Variants in ACYP2 observed in about 807,000 individuals in gnomAD.
The protein encoded by ACYP2 is acylphosphatase-2.
In ACYP2, 12 loss-of-function variants were observed where a neutral mutation model predicts 11.2. That is an observed-to-expected ratio of 1.08 (90% confidence interval 0.69 to 1.74). The LOEUF (loss-of-function observed/expected upper bound fraction) is 1.74. Ranked by LOEUF, ACYP2 falls within the 40% of genes most tolerant of loss-of-function variation. The pLI is 0.00. For missense variants in ACYP2, 134 were observed against 101.9 expected, an observed-to-expected ratio of 1.31 and a Z score of -1.35; for synonymous variants, 43 against 32.2, an observed-to-expected ratio of 1.33 and a Z score of -1.13.
At chr2:54,210,232 CA>C (rs1685277582) in intron 6 of ACYP2, among the ~76,000 whole-genome samples, 6 of 150,228 alleles carry the variant, frequency 4.0e-5, no homozygotes, top group Non-Finnish European at 7.4e-5. Flanking sequence ...TAATGTATAT[CA>C]TAAAGCAGAG....
chr2:54,193,474 C>G (rs905527556), intron 6 of ACYP2, among the ~76,000 whole-genome samples: 2 of 152,110 alleles, frequency 1.3e-5, no homozygotes, highest in Non-Finnish European at 2.9e-5. Context: ...ACTCTACCCT[C>G]CATCTGAATC....
At chr2:54,229,725 C>T (rs1686152993) in intron 6 of ACYP2, among the ~76,000 whole-genome samples, 1 of 152,192 alleles carries the variant, frequency 6.6e-6, no homozygotes, top group African/African-American at 2.4e-5. Context: ...CTGTTTAAAG[C>T]TCATAGTTTC....
intron 4 of ACYP2, among the ~76,000 whole-genome samples, chr2:54,090,028 C>T (rs573778852): frequency 1.3e-5 from 2 of 151,876 alleles, no homozygotes; most frequent in African/African-American, 4.8e-5. Flanking sequence ...CACCTGTAAT[C>T]CCAGTACTCA....
At chr2:54,240,558 C>G (rs1686688097) in intron 6 of ACYP2, among the ~76,000 whole-genome samples, 2 of 152,174 alleles carry the variant, frequency 1.3e-5, no homozygotes, top group African/African-American at 4.8e-5. Flanking sequence ...TTCTCATTCT[C>G]CAACTTTTAG....
At chr2:54,218,265 A>G (rs1685640164) in intron 6 of ACYP2, among the ~76,000 whole-genome samples, 1 of 152,074 alleles carries the variant, frequency 6.6e-6, no homozygotes, top group Non-Finnish European at 1.5e-5. Context: ...GAGACTGTAC[A>G]CTCTGAGGAT....
At chr2:54,107,788 G>T (rs1322583155) in intron 4 of ACYP2, among the ~76,000 whole-genome samples, 1 of 152,200 alleles carries the variant, frequency 6.6e-6, no homozygotes, top group Non-Finnish European at 1.5e-5. Flanking sequence ...AAATTCAAAT[G>T]TTGAGATCAG....
At chr2:54,124,818 C>A (rs1475937532) in intron 4 of ACYP2, among the ~76,000 whole-genome samples, 3 of 152,232 alleles carry the variant, frequency 2.0e-5, no homozygotes, top group African/African-American at 7.2e-5. Context: ...CTCCCCCACT[C>A]TATCCTCCCT....
chr2:54,287,555 G>A (rs1176366936), intron 6 of ACYP2, among the ~76,000 whole-genome samples: 1 of 151,958 alleles, frequency 6.6e-6, no homozygotes, highest in South Asian at 2.1e-4. Context: ...GGTTAGAGCA[G>A]GCAGTACAGT....
At chr2:54,257,484 C>T (rs1317922058) in intron 6 of ACYP2, among the ~76,000 whole-genome samples, 1 of 152,174 alleles carries the variant, frequency 6.6e-6, no homozygotes, top group Non-Finnish European at 1.5e-5. Context: ...GTAATCTTCT[C>T]TTGAGCCTGG....
intron 2 of ACYP2, among the ~76,000 whole-genome samples, chr2:53,987,494 T>G (rs1207267325): frequency 1.3e-5 from 2 of 152,206 alleles, no homozygotes; most frequent in Admixed American, 1.3e-4. Context: ...CTTGGATAAA[T>G]GCCCAGGGGT....
In ACYP2 at chr2:54,112,062, T is replaced by C. The variant is rs79442607; in HGVS notation, c.278-23391T>C. 6.2e-3 allele frequency among the ~76,000 whole-genome samples: 947 copies of C among 152,320 alleles called. 10 individuals carry two copies. The highest frequency in any genetic ancestry group is 0.02 in the African/African-American group (841 of 41,556). On this transcript the variant is annotated intron_variant, in intron 4 of 6. Transcript: ENST00000607452. ...TTATCTATCATATGTATTATTGTCA[T>C]ATATAGATAATACACACATGTAAAT...
At position 54,207,699 on chromosome 2, in the gene ACYP2, AT is replaced by A. The variant is rs1263826133; in HGVS notation, c.404+68952del. Among the ~76,000 whole-genome samples the A allele has an allele frequency of 2.6e-5, 4 of 152,178 alleles. No homozygotes were observed. In the East Asian group the frequency reaches 7.7e-4, roughly 29 times the overall value. Reference sequence around the variant, plus strand: ...TTAGTGCAACTCTGCAGTAATAAAGATGTGAATTATACTGTAGCACTCCAAA... The same window carrying A: ...TTAGTGCAACTCTGCAGTAATAAAGAGTGAATTATACTGTAGCACTCCAAA... On this transcript the variant is annotated intron_variant, in intron 6 of 6. Coordinates refer to ENST00000607452, the MANE Select transcript of ACYP2 (RefSeq NM_001320586.2).
At chr2:54,228,313 A>G (rs1387817330) in intron 6 of ACYP2, among the ~76,000 whole-genome samples, 1 of 152,258 alleles carries the variant, frequency 6.6e-6, no homozygotes, top group Non-Finnish European at 1.5e-5. Context: ...TATTGGAACC[A>G]TAACAACAGC....
chr2:54,037,323 T>A (rs12713253), intron 2 of ACYP2, among the ~76,000 whole-genome samples: 3 of 151,844 alleles, frequency 2.0e-5, no homozygotes, highest in Non-Finnish European at 4.4e-5. Context: ...CCATGTTCCC[T>A]GGGCTGGTCT....
chr2:54,256,008 C>T (rs1388024801), intron 6 of ACYP2: 1 of 1,614,060 alleles, frequency 6.2e-7, no homozygotes, highest in African/African-American at 1.3e-5. Context: ...GCGGTGGGAA[C>T]ACGATTGGCT....
chr2:54,161,850 AC>A (rs1342423369), intron 6 of ACYP2, among the ~76,000 whole-genome samples: 3 of 151,896 alleles, frequency 2.0e-5, no homozygotes, highest in Non-Finnish European at 4.4e-5. Flanking sequence ...ATAAGTAATA[AC>A]CCTTTTTTCA....
intron 4 of ACYP2, chr2:54,079,951 C>T (rs1284188912): frequency 6.4e-6 from 1 of 155,736 alleles, no homozygotes; most frequent in Non-Finnish European, 1.4e-5. Flanking sequence ...TTTCTTCAGT[C>T]TCTAAGGACT....
chr2:54,019,844 T>C (rs1023260833), intron 2 of ACYP2, among the ~76,000 whole-genome samples: 6 of 151,978 alleles, frequency 3.9e-5, no homozygotes, highest in Non-Finnish European at 5.9e-5. Flanking sequence ...GGTCTCGAAC[T>C]CCTGGCCTCA....
intron 2 of ACYP2, among the ~76,000 whole-genome samples, chr2:54,031,670 T>C (rs1476091005): frequency 6.6e-6 from 1 of 152,194 alleles, no homozygotes; most frequent in Non-Finnish European, 1.5e-5. Context: ...CAAATGGTAT[T>C]TCTAGTTCTA....
Sources: gnomAD v4.1 joint callset for allele counts (sites outside exome capture counted in the v4.1 genomes callset) on GRCh38, gnomAD v4.1.1 for gene constraint, MANE v1.5 for transcripts, NCBI Gene and HGNC (gene_info 2026-07-23, HGNC 2026-07-21) for gene names.